The following ZC3HC1 variants were observed in gnomAD, a reference collection of about 807,000 sequenced individuals.
ZC3HC1 encodes the protein zinc finger C3HC-type containing 1.
A neutral mutation model predicts 61.9 loss-of-function variants in ZC3HC1; 38 were observed. That is an observed-to-expected ratio of 0.61 (90% CI 0.47 to 0.81). ZC3HC1 has a LOEUF of 0.81. Ranked by LOEUF, ZC3HC1 falls within the 30% of genes least tolerant of loss-of-function variation. The pLI, the probability that ZC3HC1 is intolerant of heterozygous loss-of-function variation, is 0.00. For synonymous variants in ZC3HC1, 213 were observed against 229.9 expected, an observed-to-expected ratio of 0.93 and a Z score of 0.67; for missense variants, 554 against 622.7, an observed-to-expected ratio of 0.89 and a Z score of 1.17.
At chr7:130,045,442 T>C (rs567991071) in intron 2 of ZC3HC1, 3 of 456,992 alleles carry the variant, frequency 6.6e-6, no homozygotes, top group Admixed American at 2.3e-5. Context: ...CAGTACCATG[T>C]TGGCCATGTT....
chr7:130,033,832 C>T (rs912167514), intron 4 of ZC3HC1, among the ~76,000 whole-genome samples: 6 of 152,122 alleles, frequency 3.9e-5, no homozygotes, highest in African/African-American at 1.2e-4. Context: ...ATTGTCCTTG[C>T]CCCAAGACAT....
intron 4 of ZC3HC1, 103 bp from the exon 5 acceptor site, chr7:130,029,132 A>C: frequency 7.5e-7 from 1 of 1,326,694 alleles, no homozygotes; most frequent in Non-Finnish European, 1.0e-6. Context: ...GCACTTTGGA[A>C]GGCCGAGGCG....
upstream of ZC3HC1, chr7:130,051,406 G>A: frequency 6.2e-7 from 1 of 1,610,382 alleles, no homozygotes; most frequent in Non-Finnish European, 8.5e-7. Flanking sequence ...GAGTTTGAAG[G>A]CTCCGGAACT....
At chr7:130,041,307 C>T (rs1018482273) in intron 2 of ZC3HC1, among the ~76,000 whole-genome samples, 1 of 151,946 alleles carries the variant, frequency 6.6e-6, no homozygotes, top group Non-Finnish European at 1.5e-5. Context: ...CCCACCTCAG[C>T]CTCCCAAGTT....
chr7:130,042,302 C>CAAA (rs932185993), intron 2 of ZC3HC1, among the ~76,000 whole-genome samples: 11 of 68,158 alleles, frequency 1.6e-4, no homozygotes, highest in African/African-American at 4.3e-4. Flanking sequence ...GACCCTGTCT[C>CAAA]AAAAAAAAAA....
intron 4 of ZC3HC1, among the ~76,000 whole-genome samples, chr7:130,036,112 TG>T (rs1364623984): frequency 6.6e-6 from 1 of 151,218 alleles, no homozygotes; most frequent in Admixed American, 6.6e-5. Context: ...GTAATATGCC[TG>T]TTTTTTTTTT....
chr7:130,047,238 G>A (rs553155654), intron 2 of ZC3HC1, among the ~76,000 whole-genome samples: 40 of 152,254 alleles, frequency 2.6e-4, no homozygotes, highest in African/African-American at 8.7e-4. Flanking sequence ...TTGGATTACA[G>A]GTGTAAGCCA....
At chr7:130,035,589 T>C (rs1254077036) in intron 4 of ZC3HC1, among the ~76,000 whole-genome samples, 1 of 151,916 alleles carries the variant, frequency 6.6e-6, no homozygotes, top group Non-Finnish European at 1.5e-5. Flanking sequence ...CAAGCGATTC[T>C]CCTGCCTCAA....
chr7:130,041,741 T>A (rs996087607), intron 2 of ZC3HC1, among the ~76,000 whole-genome samples: 2 of 151,540 alleles, frequency 1.3e-5, no homozygotes, highest in Non-Finnish European at 2.9e-5. Context: ...CTTGGCCAGG[T>A]TGGTCCTGAA....
In ZC3HC1 at chr7:130,028,611, G is replaced by C. The variant is rs910790504; in HGVS notation, c.621+291C>G. Among the ~76,000 whole-genome samples, 195 of 152,096 alleles carry C rather than the reference G, an allele frequency of 1.3e-3. 5 individuals are homozygous for C. Among genetic ancestry groups the C allele is most frequent in the Admixed American group, 0.013 (195 of 15,262 alleles). On this transcript the variant is annotated intron_variant, in intron 5 of 9. Coordinates refer to ENST00000358303, the MANE Select transcript of ZC3HC1 (RefSeq NM_016478.5). ...TGAATTTATGGGAAGCATATATTCAGGGCAAACTTGAATCTATGCTTCCAG... is the reference window on the plus strand; with the variant it reads ...TGAATTTATGGGAAGCATATATTCACGGCAAACTTGAATCTATGCTTCCAG...
At position 130,040,965 on chromosome 7, in the gene ZC3HC1, A is replaced by G; in HGVS notation, c.395T>C (p.Phe132Ser). 6.2e-7 allele frequency: 1 copy of G among 1,612,868 alleles called. No individual in the cohort carries two copies. Among genetic ancestry groups the G allele is most frequent in the African/African-American group, 1.3e-5 (1 of 74,960 alleles). Residue 132 changes from phenylalanine (F) to serine (S), a missense_variant, in exon 3 of 10, where the codon TTT becomes TCT. Coordinates refer to ENST00000358303, the MANE Select transcript of ZC3HC1 (RefSeq NM_016478.5). ...CTTATACTTACATCTGTCAAAGTCA[A>G]AAGCTGGTTGTAAACTGGCACAGAG... is the stretch of plus-strand genomic sequence containing the variant. ...AFLCASLQPA[F>S]DFDRYKQRCA...
At position 130,026,247 on chromosome 7, in the gene ZC3HC1, A is replaced by C; in HGVS notation, c.687T>G (p.Thr229=). 6.2e-7 allele frequency: 1 copy of C among 1,614,126 alleles called. No homozygotes were observed. The highest frequency in any genetic ancestry group is 8.5e-7 in the Non-Finnish European group (1 of 1,180,006). The part of the protein sequence containing the change: ...HLLEDELDHR[T]DERKTTIKLG... The stretch of plus-strand genomic sequence containing the variant: ...ATTTGATTGTAGTTTTTCTCTCATC[A>C]GTTCGGTGATCAAGTTCATCTTCAA... Residue 229 remains threonine (T), a synonymous_variant, in exon 6 of 10, where the codon ACT becomes ACG. Coordinates refer to ENST00000358303, the MANE Select transcript of ZC3HC1 (RefSeq NM_016478.5).
At position 130,047,638 on chromosome 7, in the gene ZC3HC1, TACACACACACACACACACAC is replaced by T. The variant is rs34052360; in HGVS notation, c.258+1375_258+1394del. 7.2e-5 allele frequency among the ~76,000 whole-genome samples: 10 copies of T among 138,216 alleles called. No individual in the cohort carries two copies. The South Asian group carries it at 1.7e-3, about 23-fold the overall frequency. 90.7% of individuals were successfully genotyped at this position (138,216 alleles called of 152,430 possible). A position where few individuals can be genotyped will look rare whatever the true frequency, so the allele number is the denominator to read the frequency against. On this transcript the variant is annotated intron_variant, in intron 2 of 9. Coordinates refer to ENST00000358303, the MANE Select transcript of ZC3HC1 (RefSeq NM_016478.5). ...CTGGGCAACATAGCAAGACTTTGTC[TACACACACACACACACACAC>T]ACACACACACACACACACACGGGTA...
At chr7:130,028,375 C>G (rs1794020343) in intron 5 of ZC3HC1, among the ~76,000 whole-genome samples, 2 of 151,668 alleles carry the variant, frequency 1.3e-5, no homozygotes, top group African/African-American at 4.8e-5. Context: ...AACCCCGTCT[C>G]TACTAAAAAT....
chr7:130,032,117 G>A (rs1013008001), intron 4 of ZC3HC1, among the ~76,000 whole-genome samples: 29 of 151,800 alleles, frequency 1.9e-4, no homozygotes, highest in African/African-American at 5.8e-4. Flanking sequence ...CTAGCTACTC[G>A]GGAGGCTGAG....
Position 130,050,130 on chromosome 7 carries a change from T to A in ZC3HC1, c.147-986A>T, listed in dbSNP as rs550884987. ...TCTCACTCTGTCACTCAGGCTGGAG[T>A]GCAGTGACGCGATCTCGGCTCACTG... On this transcript the variant is annotated intron_variant, in intron 1 of 9. Transcript: ENST00000358303. Among the ~76,000 whole-genome samples, 8 of 152,112 alleles carry A rather than the reference T, an allele frequency of 5.3e-5. No individual in the cohort carries two copies. The South Asian group carries it at 6.2e-4, about 12-fold the overall frequency.
intron 3 of ZC3HC1, among the ~76,000 whole-genome samples, chr7:130,039,924 T>C (rs1346356634): frequency 1.3e-5 from 2 of 151,326 alleles, no homozygotes; most frequent in Non-Finnish European, 2.9e-5. Flanking sequence ...TTCACCATGT[T>C]AGTCAGGCTG....
At position 130,024,291 on chromosome 7, in the gene ZC3HC1, T is replaced by A; in HGVS notation, c.992A>T (p.Asp331Val). 1 of 1,611,912 alleles carries A rather than the reference T, an allele frequency of 6.2e-7. No homozygotes were observed. Among genetic ancestry groups the A allele is most frequent in the Non-Finnish European group, 8.5e-7 (1 of 1,178,512 alleles). ...CTCTGAGCCTGGGGAGAAAGTGGCA[T>A]CCTGGCTCCGGGTCATCATCCTCCG... ...SPRRMMTRSQ[D>V]ATFSPGSEQA... Residue 331 changes from aspartate to valine, a missense_variant, in exon 7 of 10, where the codon GAT (aspartate) becomes GTT (valine). Coordinates refer to ENST00000358303, the MANE Select transcript of ZC3HC1 (RefSeq NM_016478.5).
At chr7:130,039,759 T>C in intron 3 of ZC3HC1, 1 of 444,548 alleles carries the variant, frequency 2.2e-6, no homozygotes, top group Non-Finnish European at 3.9e-6. Flanking sequence ...CTTATTTTTA[T>C]TTTTTATTTT....
Sources: allele counts gnomAD v4.1 joint callset (sites outside exome capture counted in the v4.1 genomes callset), GRCh38; gene constraint gnomAD v4.1.1; transcripts MANE v1.5; gene names NCBI Gene and HGNC (gene_info 2026-07-23, HGNC 2026-07-21).